BCO1: variants seen among roughly 807,000 people sequenced by gnomAD.
BCO1 encodes the protein beta-carotene oxygenase 1.
BCO1 carries 54 observed loss-of-function variants against 56.3 expected under a neutral mutation model. The observed-to-expected ratio is 0.96, with a 90% CI of 0.77 to 1.20. The LOEUF is 1.20. BCO1 is among the 50% of genes most tolerant of loss of function. The pLI is 0.00. For missense variants in BCO1, 801 were observed against 690.9 expected (o/e 1.16, Z -1.79); for synonymous variants, 318 against 266.1 (o/e 1.20, Z -1.90).
At chr16:81,243,017 G>A (rs1905208464) in intron 1 of BCO1, among the ~76,000 whole-genome samples, 1 of 152,118 alleles carries the variant, frequency 6.6e-6, no homozygotes, top group Non-Finnish European at 1.5e-5. Context: ...GGGGACCACT[G>A]ATCTATATGG....
At chr16:81,278,556 A>G (rs1307274872) in intron 7 of BCO1, among the ~76,000 whole-genome samples, 1 of 152,230 alleles carries the variant, frequency 6.6e-6, no homozygotes, top group African/African-American at 2.4e-5. Context: ...CCCTGGCTTC[A>G]TGCGGCAGAC....
chr16:81,281,073 G>C (rs1350389007), intron 8 of BCO1, 111 bp downstream of exon 8: 2 of 787,662 alleles, frequency 2.5e-6, no homozygotes, highest in Non-Finnish European at 4.4e-6. Context: ...GGGCCAAAAA[G>C]GAAAGGGTCT....
In BCO1 at chr16:81,290,590, T is replaced by G. The variant is rs745372883; in HGVS notation, c.*13T>G. On this transcript the variant is annotated 3_prime_UTR_variant, in exon 11 of 11. Transcript: ENST00000258168. ...TCCTCTGACCTGATGGTGTTGGGGT[T>G]TGGGTAGGGGAGGGGAGCTCGGCTG... is the stretch of plus-strand genomic sequence containing the variant. The G allele has an allele frequency of 4.7e-5, 75 of 1,606,378 alleles. 2 individuals carry two copies. The South Asian group carries it at 8.1e-4, about 17-fold the overall frequency.
chr16:81,258,549 G>A (rs1353185531), intron 2 of BCO1, among the ~76,000 whole-genome samples: 1 of 152,180 alleles, frequency 6.6e-6, no homozygotes, highest in African/African-American at 2.4e-5. Context: ...CACATATGCA[G>A]CCTTCTAGAT....
At chr16:81,254,985 T>C (rs1906039395) in intron 2 of BCO1, among the ~76,000 whole-genome samples, 1 of 152,150 alleles carries the variant, frequency 6.6e-6, no homozygotes, top group South Asian at 2.1e-4. Flanking sequence ...GGTCTCGCCA[T>C]GCTGCCCAAG....
intron 1 of BCO1, 125 bp from the exon 2 acceptor site, chr16:81,245,350 A>G (rs1905340096): frequency 1.4e-6 from 2 of 1,427,164 alleles, no homozygotes; most frequent in Admixed American, 1.7e-5. Context: ...TGACTGTAGA[A>G]TAAACGAACA....
At chr16:81,256,941 C>A (rs1297686760) in intron 2 of BCO1, among the ~76,000 whole-genome samples, 1 of 152,020 alleles carries the variant, frequency 6.6e-6, no homozygotes, top group Non-Finnish European at 1.5e-5. Context: ...ACCCCTCAAC[C>A]CATTTCCCAA....
At chr16:81,252,042 A>G (rs759611067) in intron 2 of BCO1, among the ~76,000 whole-genome samples, 8 of 151,944 alleles carry the variant, frequency 5.3e-5, no homozygotes, top group Non-Finnish European at 8.8e-5. Context: ...TGGGGAATGC[A>G]TGGAGGCTCC....
At chr16:81,248,235 C>G (rs1211607439) in intron 2 of BCO1, among the ~76,000 whole-genome samples, 2 of 151,668 alleles carry the variant, frequency 1.3e-5, no homozygotes, top group Non-Finnish European at 2.9e-5. Context: ...AACCCCGTCT[C>G]TACTAAAAAT....
intron 4 of BCO1, chr16:81,262,841 A>AC (rs75938943): frequency 0.27 from 35,765 of 132,036 alleles, 4,207 homozygotes; most frequent in East Asian, 0.47. Context: ...AAAAACAAAA[A>AC]AAAAAAAAAA....
At chr16:81,249,545 T>C (rs375411810) in intron 2 of BCO1, among the ~76,000 whole-genome samples, 4 of 151,900 alleles carry the variant, frequency 2.6e-5, no homozygotes, top group Non-Finnish European at 5.9e-5. Flanking sequence ...TGTGAGCCAC[T>C]GTGCCCGGCC....
At chr16:81,275,668 A>G (rs1362969166) in intron 7 of BCO1, among the ~76,000 whole-genome samples, 1 of 152,252 alleles carries the variant, frequency 6.6e-6, no homozygotes. Flanking sequence ...ATGGGAAGCA[A>G]GTTCTCTAAA....
At chr16:81,245,884 C>T (rs537329805) in intron 2 of BCO1, among the ~76,000 whole-genome samples, 4 of 93,498 alleles carry the variant, frequency 4.3e-5, no homozygotes, top group Non-Finnish European at 7.9e-5. Context: ...TTCTCTGAGA[C>T]GGAGTTTTGC....
rs1236207027 is a variant in BCO1, at chr16:81,238,863, AG to A, written c.-45del. The A allele has an allele frequency of 6.5e-7, 1 of 1,546,140 alleles. No homozygotes were observed. The highest frequency in any genetic ancestry group is 1.1e-5 in the South Asian group (1 of 89,686). ...GCAGCATCTCCTGTGAACACAGAGG[AG>A]CACCTGTTTGCTGTTAAAATCGATC... is the stretch of plus-strand genomic sequence containing the variant. On this transcript the variant is annotated 5_prime_UTR_variant, in exon 1 of 11. Transcript: ENST00000258168.
chr16:81,248,405 C>CAAAAAAAAAAAAAAAAAAAAAAAAA (rs372084002), intron 2 of BCO1, among the ~76,000 whole-genome samples: 1 of 102,796 alleles, frequency 9.7e-6, no homozygotes, highest in African/African-American at 4.2e-5. Context: ...CTCCCTCTCA[C>CAAAAAAAAAAAAAAAAAAAAAAAAA]AAAAAAAAAA....
At chr16:81,259,941 G>T in intron 3 of BCO1, 136 bp downstream of exon 3, 4 of 1,083,158 alleles carry the variant, frequency 3.7e-6, no homozygotes, top group Non-Finnish European at 5.6e-6. Flanking sequence ...TTAACCAGAG[G>T]TGCTACACAG....
At chr16:81,257,861 C>CA (rs1200016662) in intron 2 of BCO1, among the ~76,000 whole-genome samples, 1 of 136,304 alleles carries the variant, frequency 7.3e-6, no homozygotes, top group African/African-American at 2.8e-5. Flanking sequence ...GCCTGGGTGA[C>CA]AGAGTGAGAC....
chr16:81,283,712 C>T (rs1044527850), intron 8 of BCO1, among the ~76,000 whole-genome samples: 8 of 151,978 alleles, frequency 5.3e-5, no homozygotes, highest in African/African-American at 1.2e-4. Context: ...TTCCCCTTCC[C>T]GCCCCACTGA....
intron 8 of BCO1, among the ~76,000 whole-genome samples, chr16:81,283,613 T>A (rs922225124): frequency 6.6e-6 from 1 of 152,086 alleles, no homozygotes; most frequent in African/African-American, 2.4e-5. Flanking sequence ...GTGTTCCCTC[T>A]GCCTCACCTT....
Sources: gnomAD v4.1 joint callset for allele counts (sites outside exome capture counted in the v4.1 genomes callset) on GRCh38, gnomAD v4.1.1 for gene constraint, MANE v1.5 for transcripts, NCBI Gene and HGNC (gene_info 2026-07-23, HGNC 2026-07-21) for gene names.